The following NFIB variants were observed in gnomAD, a reference collection of about 807,000 sequenced individuals.
NFIB encodes nuclear factor 1 B-type.
NFIB carries 11 observed loss-of-function variants against 61.5 expected under a neutral mutation model. The observed-to-expected ratio is 0.18, with a 90% CI of 0.11 to 0.30. NFIB has a LOEUF of 0.30. Among genes scored for constraint, NFIB ranks in the 10% least tolerant of loss-of-function variants. NFIB has a pLI of 1.00. For synonymous variants in NFIB, 260 were observed against 216.5 expected, an observed-to-expected ratio of 1.20 and a Z score of -1.76; for missense variants, 471 against 608.9, an observed-to-expected ratio of 0.77 and a Z score of 2.38.
At position 14,116,192 on chromosome 9, in the gene NFIB, G is replaced by C; in HGVS notation, c.1384+16C>G. On this transcript the variant is annotated intron_variant, in intron 9 of 10. Coordinates refer to ENST00000380953, the MANE Select transcript of NFIB (RefSeq NM_001190737.2). ...ATGGAAATACTTACTGGTTGCTGTA[G>C]GTGAAGCTGCCTCACCTTCAGTGGA... is the stretch of plus-strand genomic sequence containing the variant. 6.7e-7 allele frequency: 1 copy of C among 1,488,856 alleles called. No homozygotes were observed. The highest frequency in any genetic ancestry group is 2.7e-5 in the East Asian group (1 of 37,328). 92.2% of individuals were successfully genotyped at this position (1,488,856 alleles called of 1,614,324 possible). A position where few individuals can be genotyped will look rare whatever the true frequency, so the allele number is the denominator to read the frequency against.
At chr9:14,218,591 T>C (rs976191874) in intron 2 of NFIB, among the ~76,000 whole-genome samples, 25 of 152,204 alleles carry the variant, frequency 1.6e-4, no homozygotes, top group African/African-American at 5.5e-4. Flanking sequence ...AATGAACAAA[T>C]GAATTTTCTT....
chr9:14,224,456 A>T (rs1230656655), intron 2 of NFIB, among the ~76,000 whole-genome samples: 1 of 152,236 alleles, frequency 6.6e-6, no homozygotes, highest in Non-Finnish European at 1.5e-5. Context: ...TTCCAGAATG[A>T]TGTACATACA....
intron 2 of NFIB, among the ~76,000 whole-genome samples, chr9:14,294,426 T>C (rs944691759): frequency 6.6e-6 from 1 of 152,232 alleles, no homozygotes; most frequent in African/African-American, 2.4e-5. Flanking sequence ...AGCAAAGCTT[T>C]TCAAATACAT....
At chr9:14,137,664 G>A (rs1009263148) in intron 6 of NFIB, among the ~76,000 whole-genome samples, 13 of 152,036 alleles carry the variant, frequency 8.6e-5, no homozygotes, top group Non-Finnish European at 1.6e-4. Flanking sequence ...CAGTGCACTA[G>A]GCTTAAGGCA....
chr9:14,428,655 C>G, the NFIB span, among the ~76,000 whole-genome samples: 1 of 152,176 alleles, frequency 6.6e-6, no homozygotes, highest in Admixed American at 6.5e-5. Context: ...ATCACACTTT[C>G]TTTTGAAATG....
At chr9:14,527,570 A>T in the NFIB span, among the ~76,000 whole-genome samples, 1 of 152,172 alleles carries the variant, frequency 6.6e-6, no homozygotes, top group Non-Finnish European at 1.5e-5. Context: ...CCCCCTCCAT[A>T]ACACTGTGAC....
chr9:14,461,878 T>C, the NFIB span, among the ~76,000 whole-genome samples: 1 of 152,188 alleles, frequency 6.6e-6, no homozygotes, highest in Non-Finnish European at 1.5e-5. Flanking sequence ...GGTATCTTCC[T>C]GAAGAGTCCA....
the NFIB span, among the ~76,000 whole-genome samples, chr9:14,500,981 C>T: frequency 6.6e-6 from 1 of 152,182 alleles, no homozygotes; most frequent in Non-Finnish European, 1.5e-5. Flanking sequence ...CTCTCCTAGT[C>T]GTGCCAATTG....
the NFIB span, among the ~76,000 whole-genome samples, chr9:14,506,335 C>G: frequency 2.3e-4 from 35 of 152,076 alleles, no homozygotes; most frequent in Non-Finnish European, 4.1e-4. Context: ...CTGCCATGCA[C>G]CAAACATGCT....
the NFIB span, among the ~76,000 whole-genome samples, chr9:14,512,388 G>C: frequency 3.8e-5 from 4 of 106,448 alleles, no homozygotes; most frequent in East Asian, 1.1e-3. Context: ...CTGTTCTGCA[G>C]ACTTTCATTA....
At chr9:14,309,776 T>C (rs751733591) in intron 1 of NFIB, among the ~76,000 whole-genome samples, 10 of 152,332 alleles carry the variant, frequency 6.6e-5, no homozygotes, top group African/African-American at 9.6e-5. Context: ...TGGACTTAAA[T>C]GTGCTTTGGA....
chr9:14,090,169 G>C (rs1386900467), intron 10 of NFIB, among the ~76,000 whole-genome samples: 2 of 152,060 alleles, frequency 1.3e-5, no homozygotes, highest in Non-Finnish European at 2.9e-5. Flanking sequence ...AGGTATCTCT[G>C]AATTTAAAAT....
At chr9:14,160,961 A>G (rs1165853560) in intron 3 of NFIB, among the ~76,000 whole-genome samples, 2 of 152,152 alleles carry the variant, frequency 1.3e-5, no homozygotes, top group African/African-American at 2.4e-5. Context: ...TTGGAGAACA[A>G]ACAGGTGGAC....
chr9:14,298,643 C>T lies in NFIB; in HGVS notation c.562+8346G>A, dbSNP rs570676557. On this transcript the variant is annotated intron_variant, in intron 2 of 10. Coordinates refer to ENST00000380953, the MANE Select transcript of NFIB (RefSeq NM_001190737.2). Reference sequence around the variant, plus strand: ...AAACAGAAGACGTAGCTACTGCAGACGGACGCCTTGAATCCACTGGTGTGT... The same window carrying T: ...AAACAGAAGACGTAGCTACTGCAGATGGACGCCTTGAATCCACTGGTGTGT... Among the ~76,000 whole-genome samples, 13 of 152,244 alleles carry T rather than the reference C, an allele frequency of 8.5e-5. No individual in the cohort carries two copies. The South Asian group carries it at 2.5e-3, about 29-fold the overall frequency.
the NFIB span, among the ~76,000 whole-genome samples, chr9:14,501,478 C>T: frequency 6.6e-6 from 1 of 152,182 alleles, no homozygotes; most frequent in Non-Finnish European, 1.5e-5. Flanking sequence ...TTAATCCTCA[C>T]TTTGCTGTAT....
At chr9:14,487,876 G>A in the NFIB span, among the ~76,000 whole-genome samples, 6 of 152,252 alleles carry the variant, frequency 3.9e-5, no homozygotes, top group South Asian at 1.0e-3. Flanking sequence ...TCAGTCAGGG[G>A]CATGGGCAGG....
At chr9:14,488,401 A>C in the NFIB span, among the ~76,000 whole-genome samples, 1 of 152,136 alleles carries the variant, frequency 6.6e-6, no homozygotes, top group Non-Finnish European at 1.5e-5. Flanking sequence ...TTTGTTAAAA[A>C]TGGAGGTTCC....
chr9:14,162,913 C>G (rs1246312077), intron 3 of NFIB, among the ~76,000 whole-genome samples: 1 of 151,954 alleles, frequency 6.6e-6, no homozygotes, highest in Non-Finnish European at 1.5e-5. Flanking sequence ...TGTATGCCCT[C>G]TTATCTTTTT....
intron 2 of NFIB, among the ~76,000 whole-genome samples, chr9:14,283,867 C>T (rs909413912): frequency 2.0e-5 from 3 of 152,148 alleles, no homozygotes; most frequent in East Asian, 3.8e-4. Context: ...AAAAGACAAA[C>T]CATACAATTA....
Sources: gnomAD v4.1 joint callset for allele counts (sites outside exome capture counted in the v4.1 genomes callset) on GRCh38, gnomAD v4.1.1 for gene constraint, MANE v1.5 for transcripts, NCBI Gene and HGNC (gene_info 2026-07-23, HGNC 2026-07-21) for gene names.